The following VPS50 variants were observed in gnomAD, a reference collection of about 807,000 sequenced individuals.
VPS50 encodes the protein VPS50 subunit of EARP/GARPII complex.
VPS50 carries 70 observed loss-of-function variants against 139.7 expected under a neutral mutation model. The observed-to-expected ratio is 0.50, with a 90% CI of 0.41 to 0.61. The LOEUF (loss-of-function observed/expected upper bound fraction) is 0.61. VPS50 is among the 20% of genes least tolerant of loss of function. The pLI is 0.00. For synonymous variants in VPS50, 365 were observed against 376.7 expected, an observed-to-expected ratio of 0.97 and a Z score of 0.36; for missense variants, 921 against 1,133.7, an observed-to-expected ratio of 0.81 and a Z score of 2.69.
At position 93,361,106 on chromosome 7, in the gene VPS50, TA is replaced by T. The variant is rs1798819224; in HGVS notation, c.*2676del. On this transcript the variant is annotated 3_prime_UTR_variant, in exon 28 of 28. Transcript: ENST00000305866. ...TTGTAAGCATAGTTGTCTTTTGTAA[TA>T]AAAAACTAGATCTGAAGATGAATTG... The T allele has an allele frequency of 6.6e-6, 1 of 151,348 alleles. No individual in the cohort carries two copies. Among genetic ancestry groups the T allele is most frequent in the Non-Finnish European group, 1.5e-5 (1 of 67,796 alleles). The allele number at this position is 151,348 out of a possible 1,614,324, so 9.4% of individuals were successfully genotyped here. A position where few individuals can be genotyped will look rare whatever the true frequency, so the allele number is the denominator to read the frequency against.
At chr7:93,299,744 C>T (rs964840823) in intron 16 of VPS50, among the ~76,000 whole-genome samples, 4 of 152,104 alleles carry the variant, frequency 2.6e-5, no homozygotes, top group African/African-American at 9.7e-5. Context: ...TGAGGGAACA[C>T]AGCGTCTATT....
intron 23 of VPS50, among the ~76,000 whole-genome samples, chr7:93,348,417 G>A (rs963959280): frequency 3.6e-4 from 55 of 151,926 alleles, no homozygotes. Flanking sequence ...TGCTACTCTG[G>A]GCTCACATCT....
intron 27 of VPS50, among the ~76,000 whole-genome samples, chr7:93,357,622 T>C (rs17165286): frequency 0.086 from 13,120 of 152,198 alleles, 613 homozygotes; most frequent in African/African-American, 0.12. Context: ...TTTTCTTTTC[T>C]TATTAGATAA....
intron 21 of VPS50, among the ~76,000 whole-genome samples, chr7:93,329,768 T>G (rs1584476172): frequency 6.6e-6 from 1 of 152,116 alleles, no homozygotes; most frequent in Non-Finnish European, 1.5e-5. Context: ...GAAAAAGAAA[T>G]AATGTCTATT....
At chr7:93,257,777 A>ACCGT in intron 6 of VPS50, 1 of 244,124 alleles carries the variant, frequency 4.1e-6, no homozygotes, top group Non-Finnish European at 7.7e-6. Flanking sequence ...TGATTTTTTA[A>ACCGT]AAATGCAGTA....
chr7:93,305,314 C>G (rs1797083411), intron 17 of VPS50, among the ~76,000 whole-genome samples: 1 of 151,874 alleles, frequency 6.6e-6, no homozygotes, highest in Non-Finnish European at 1.5e-5. Flanking sequence ...TTTGTGTTGT[C>G]TGTTTCTTGG....
intron 20 of VPS50, chr7:93,320,580 C>CTCTA (rs34453506): frequency 6.6e-5 from 10 of 151,638 alleles, no homozygotes; most frequent in Admixed American, 6.6e-4. Flanking sequence ...CGGGGATGGT[C>CTCTA]TCTATCTATC....
At chr7:93,335,163 G>A (rs991629888) in intron 22 of VPS50, among the ~76,000 whole-genome samples, 1 of 152,044 alleles carries the variant, frequency 6.6e-6, no homozygotes, top group Non-Finnish European at 1.5e-5. Flanking sequence ...TATTTTTTTG[G>A]AGCAGAGAGA....
intron 21 of VPS50, among the ~76,000 whole-genome samples, chr7:93,332,181 G>A (rs1220612291): frequency 1.3e-5 from 2 of 152,210 alleles, no homozygotes; most frequent in Admixed American, 1.3e-4. Flanking sequence ...AGGCTAGAAA[G>A]TCCAAGATCA....
At position 93,358,413 on chromosome 7, in the gene VPS50, G is replaced by A. The variant is rs368407161; in HGVS notation, c.2872G>A (p.Asp958Asn). Reference protein sequence around the residue: ...ARQKLLAAIDDIDRPKR With the variant: ...ARQKLLAAIDNIDRPKR ...ACAAAAACTTCTAGCAGCTATAGAT[G>A]ATATAGACAGACCTAAAAGATAATG... is the stretch of plus-strand genomic sequence containing the variant. Residue 958 changes from aspartate to asparagine, a missense_variant, in exon 28 of 28, where the codon GAT becomes AAT. Around this residue, in one of 3 missense-constraint regions of VPS50, gnomAD observed 158 missense variants for 156.3 expected, o/e 1.01. Coordinates refer to ENST00000305866, the MANE Select transcript of VPS50 (RefSeq NM_017667.4). The A allele has an allele frequency of 8.7e-6, 14 of 1,611,096 alleles. No homozygotes were observed. Among genetic ancestry groups the A allele is most frequent in the Non-Finnish European group, 1.2e-5 (14 of 1,177,716 alleles).
In VPS50 at chr7:93,360,221, A is replaced by G. The variant is rs564154944; in HGVS notation, c.*1785A>G. The G allele has an allele frequency of 6.6e-6, 1 of 152,200 alleles. No homozygotes were observed. Among genetic ancestry groups the G allele is most frequent in the East Asian group, 1.9e-4 (1 of 5,176 alleles). The allele number at this position is 152,200 out of a possible 1,614,324, so 9.4% of individuals were successfully genotyped here. Reference sequence around the variant, plus strand: ...TCTACTTTAGTTGGCCCTAGATAATATGAACAGGAATCACCTGCCTGGTAG... The same window carrying G: ...TCTACTTTAGTTGGCCCTAGATAATGTGAACAGGAATCACCTGCCTGGTAG... On this transcript the variant is annotated 3_prime_UTR_variant, in exon 28 of 28. Coordinates refer to ENST00000305866, the MANE Select transcript of VPS50 (RefSeq NM_017667.4).
chr7:93,234,358 T>C (rs1313022617), intron 1 of VPS50, among the ~76,000 whole-genome samples: 2 of 152,226 alleles, frequency 1.3e-5, no homozygotes, highest in Non-Finnish European at 2.9e-5. Context: ...GTCAGTTGCT[T>C]ATTGAATTTC....
At chr7:93,247,326 A>C (rs1795185558) in intron 2 of VPS50, among the ~76,000 whole-genome samples, 1 of 152,004 alleles carries the variant, frequency 6.6e-6, no homozygotes. Context: ...TGTTGAATTT[A>C]AACAAATCTC....
intron 23 of VPS50, among the ~76,000 whole-genome samples, chr7:93,345,554 T>A (rs572733976): frequency 1.3e-5 from 2 of 152,180 alleles, no homozygotes; most frequent in African/African-American, 2.4e-5. Context: ...ATATCCTTGA[T>A]GAACATTGAT....
intron 2 of VPS50, among the ~76,000 whole-genome samples, chr7:93,251,441 T>C (rs10269294): frequency 0.34 from 50,250 of 149,614 alleles, 10,923 homozygotes; most frequent in East Asian, 0.59. Flanking sequence ...AACCAAACAC[T>C]GCATGTTCTC....
At chr7:93,264,502 G>C (rs763134038) in intron 9 of VPS50, among the ~76,000 whole-genome samples, 1 of 152,160 alleles carries the variant, frequency 6.6e-6, no homozygotes, top group Non-Finnish European at 1.5e-5. Flanking sequence ...GAGCCTGATA[G>C]CTTTTGTATT....
chr7:93,319,080 A>G (rs971977038), intron 20 of VPS50, among the ~76,000 whole-genome samples: 4 of 152,354 alleles, frequency 2.6e-5, no homozygotes, highest in Non-Finnish European at 4.4e-5. Flanking sequence ...TCACTGTATC[A>G]TTCAAGAGCT....
chr7:93,234,885 T>C (rs2116756728), intron 1 of VPS50, among the ~76,000 whole-genome samples: 3 of 152,244 alleles, frequency 2.0e-5, no homozygotes, highest in Middle Eastern at 6.8e-3. Flanking sequence ...CTCTGTTCTT[T>C]CAGTCCATTC....
chr7:93,355,119 T>TTA (rs1491254032), intron 26 of VPS50, among the ~76,000 whole-genome samples: 2,365 of 138,064 alleles, frequency 0.017, 76 homozygotes, highest in African/African-American at 0.062. Flanking sequence ...TACTCTTTTT[T>TTA]AAAAAAAAAA....
Sources: allele counts gnomAD v4.1 joint callset (sites outside exome capture counted in the v4.1 genomes callset), GRCh38; gene constraint gnomAD v4.1.1; regional missense constraint gnomAD v4.1.1; transcripts MANE v1.5; gene names NCBI Gene and HGNC (gene_info 2026-07-23, HGNC 2026-07-21).